The following PSCA variants were observed in gnomAD, a reference collection of about 807,000 sequenced individuals.
PSCA encodes prostate stem cell antigen.
A neutral mutation model predicts 7.9 loss-of-function variants in PSCA; 7 were observed. The ratio of observed to expected loss-of-function variants is 0.89; its 90% CI spans 0.51 to 1.67. The LOEUF (loss-of-function observed/expected upper bound fraction) is 1.67. Ranked by LOEUF, PSCA falls within the 40% of genes most tolerant of loss-of-function variation. The pLI, the probability that PSCA is intolerant of heterozygous loss-of-function variation, is 0.00. For missense variants in PSCA, 151 were observed against 147.9 expected, an observed-to-expected ratio of 1.02 and a Z score of -0.11; for synonymous variants, 61 against 68.3, an observed-to-expected ratio of 0.89 and a Z score of 0.53.
rs782607955 is a variant in PSCA at position 142,681,335 on chromosome 8, C to T, written c.34C>T (p.Leu12=). The stretch of plus-strand genomic sequence containing the variant: ...CCCACTCCACCCCACAGGCACTGCC[C>T]TGCTGTGCTACTCCTGCAAAGCCCA... ...AGLALQPGTA[L]LCYSCKAQVS... is the part of the protein sequence containing the mutation. The change falls in exon 2 of 3, where the codon CTG becomes TTG. Residue 12 remains leucine, a synonymous_variant. Transcript: ENST00000301258. The T allele has an allele frequency of 6.4e-7, 1 of 1,561,342 alleles. No homozygotes were observed. Among genetic ancestry groups the T allele is most frequent in the Non-Finnish European group, 8.7e-7 (1 of 1,152,646 alleles).
Position 142,682,417 on chromosome 8 carries a change from A to C in PSCA, c.*285A>C. 1 of 665,736 alleles carries C rather than the reference A, an allele frequency of 1.5e-6. No individual in the cohort carries two copies. The allele number at this position is 665,736 out of a possible 1,614,324, so 41.2% of individuals were successfully genotyped here. Reference sequence around the variant, plus strand: ...CATGGCCCAGCATTCTCCACCCTTAACCCTGTGCTCAGGCACCTCTTCCCC... The same window carrying C: ...CATGGCCCAGCATTCTCCACCCTTACCCCTGTGCTCAGGCACCTCTTCCCC... On this transcript the variant is annotated 3_prime_UTR_variant, in exon 3 of 3. Coordinates refer to ENST00000301258, the MANE Select transcript of PSCA (RefSeq NM_005672.5).
At chr8:142,672,928 A>G (rs1554637507) in intron 1 of PSCA, among the ~76,000 whole-genome samples, 1 of 152,116 alleles carries the variant, frequency 6.6e-6, no homozygotes, top group Non-Finnish European at 1.5e-5. Context: ...TATTATGCAA[A>G]TGGGCTTCTA....
chr8:142,680,270 C>T (rs1554638150), upstream of PSCA: 9 of 527,562 alleles, frequency 1.7e-5, 1 homozygote, highest in Non-Finnish European at 3.1e-5. Flanking sequence ...GACGTTTCAG[C>T]CCTCAGCCCG....
intron 2 of PSCA, 31 bp downstream of exon 2, chr8:142,681,465 A>G: frequency 2.6e-6 from 4 of 1,536,410 alleles, no homozygotes; most frequent in Non-Finnish European, 3.5e-6. Context: ...CGCCAGGCCT[A>G]GGTCTCTGCC....
In PSCA at chr8:142,673,770, G is replaced by A. The variant is rs73714660; in HGVS notation, n.261+3202G>A. Among the ~76,000 whole-genome samples the A allele has an allele frequency of 5.6e-3, 855 of 152,352 alleles. 9 individuals carry two copies. Among genetic ancestry groups the A allele is most frequent in the African/African-American group, 0.02 (831 of 41,582 alleles). ...TGCGGGGTTGGTGGGCCTCGCTAGAGCCATCCATCAGTCATTAGACGTGCA... is the reference window on the plus strand; with the variant it reads ...TGCGGGGTTGGTGGGCCTCGCTAGAACCATCCATCAGTCATTAGACGTGCA... On this transcript the variant is annotated intron_variant and non_coding_transcript_variant, in intron 1 of 1. Transcript: ENST00000505305. The surrounding 1 kb of genome is among the most constrained non-coding windows in gnomAD (Gnocchi z 4.6).
In PSCA at chr8:142,682,227, G is replaced by A. The variant is rs985332931; in HGVS notation, c.*95G>A. Reference sequence around the variant, plus strand: ...CCCGGCCCAGTGGGAGCCTGTCCTGGTTCCTGAGGCACATCCTAACGCAAG... The same window carrying A: ...CCCGGCCCAGTGGGAGCCTGTCCTGATTCCTGAGGCACATCCTAACGCAAG... On this transcript the variant is annotated 3_prime_UTR_variant, in exon 3 of 3. Transcript: ENST00000301258. 3 of 1,409,836 alleles carry A rather than the reference G, an allele frequency of 2.1e-6. No homozygotes were observed. The highest frequency in any genetic ancestry group is 2.9e-6 in the Non-Finnish European group (3 of 1,030,644). 87.3% of individuals were successfully genotyped at this position (1,409,836 alleles called of 1,614,324 possible).
chr8:142,678,535 G>A (rs1387121838), upstream of PSCA, among the ~76,000 whole-genome samples: 1 of 152,278 alleles, frequency 6.6e-6, no homozygotes, highest in Non-Finnish European at 1.5e-5. Flanking sequence ...GGCTTGCAGG[G>A]ATGAGGGGGA....
rs1439302082 is a variant in PSCA, at chr8:142,681,356, G to A, written c.55G>A (p.Ala19Thr). ...TGCCCTGCTGTGCTACTCCTGCAAAGCCCAGGTGAGCAACGAGGACTGCCT... is the reference window on the plus strand; with the variant it reads ...TGCCCTGCTGTGCTACTCCTGCAAAACCCAGGTGAGCAACGAGGACTGCCT... The part of the protein sequence containing the change: ...GTALLCYSCK[A>T]QVSNEDCLQV... Residue 19 changes from alanine to threonine, a missense_variant, in exon 2 of 3, where the codon GCC becomes ACC. By Grantham distance (58) the Ala-to-Thr change is moderately conservative. Coordinates refer to ENST00000301258, the MANE Select transcript of PSCA (RefSeq NM_005672.5). The A allele has an allele frequency of 3.2e-6, 5 of 1,578,446 alleles. No individual in the cohort carries two copies. The African/African-American group carries it at 6.8e-5, about 21-fold the overall frequency.
Position 142,682,402 on chromosome 8 carries a change from C to T in PSCA, c.*270C>T, listed in dbSNP as rs1554638557. 1 of 688,160 alleles carries T rather than the reference C, an allele frequency of 1.5e-6. No homozygotes were observed. The highest frequency in any genetic ancestry group is 2.3e-4 in the Middle Eastern group (1 of 4,298). The allele number at this position is 688,160 out of a possible 1,614,324, so 42.6% of individuals were successfully genotyped here. The stretch of plus-strand genomic sequence containing the variant: ...CTCTGCTGCTGTTTCCATGGCCCAG[C>T]ATTCTCCACCCTTAACCCTGTGCTC... On this transcript the variant is annotated 3_prime_UTR_variant, in exon 3 of 3. Transcript: ENST00000301258.
intron 1 of PSCA, chr8:142,680,940 G>T (rs905040687): frequency 8.5e-5 from 40 of 469,606 alleles, no homozygotes; most frequent in African/African-American, 7.4e-4. Context: ...GGGGCACAAG[G>T]GGGAGGTGCT....
At chr8:142,679,444 G>T (rs1847436653), upstream of PSCA, among the ~76,000 whole-genome samples, 1 of 152,194 alleles carries the variant, frequency 6.6e-6, no homozygotes, top group Non-Finnish European at 1.5e-5. Flanking sequence ...TAAAATATTT[G>T]AAGACATTTA....
upstream of PSCA, chr8:142,680,227 G>C (rs1847445453): frequency 6.7e-6 from 3 of 448,608 alleles, no homozygotes; most frequent in East Asian, 1.1e-4. Context: ...TGTGAGGTGG[G>C]GGAGGTGGGA....
intron 2 of PSCA, 153 bp from the exon 3 acceptor site, chr8:142,681,768 G>C: frequency 1.6e-6 from 1 of 639,090 alleles, no homozygotes; most frequent in East Asian, 2.7e-5. Context: ...CTGAGACCAG[G>C]GCCGAGACCA....
chr8:142,681,506 C>T, intron 2 of PSCA, 72 bp downstream of exon 2: 3 of 1,375,372 alleles, frequency 2.2e-6, no homozygotes, highest in Non-Finnish European at 3.0e-6. Context: ...GGCCATCTGT[C>T]CGCATCTGTG....
In PSCA at chr8:142,673,758, G is replaced by A. The variant is rs1847363196; in HGVS notation, n.261+3190G>A. Among the ~76,000 whole-genome samples the A allele has an allele frequency of 6.6e-6, 1 of 152,168 alleles. No individual in the cohort carries two copies. Among genetic ancestry groups the A allele is most frequent in the South Asian group, 2.1e-4 (1 of 4,828 alleles). On this transcript the variant is annotated intron_variant and non_coding_transcript_variant, in intron 1 of 1. Transcript: ENST00000505305. The surrounding 1 kb of genome is among the most constrained non-coding windows in gnomAD (Gnocchi z 4.6). ...CACAGGACCGGCTGCGGGGTTGGTG[G>A]GCCTCGCTAGAGCCATCCATCAGTC...
At position 142,682,585 on chromosome 8, in the gene PSCA, A is replaced by C. The variant is rs1191001394; in HGVS notation, c.*453A>C. On this transcript the variant is annotated 3_prime_UTR_variant, in exon 3 of 3. Coordinates refer to ENST00000301258, the MANE Select transcript of PSCA (RefSeq NM_005672.5). ...GGACTGAGTAGAACTGGAGGACAGG[A>C]GTCGACGTGAGTTCCTGGGAGTCTC... The C allele has an allele frequency of 2.7e-6, 1 of 371,392 alleles. No homozygotes were observed. The highest frequency in any genetic ancestry group is 2.1e-5 in the African/African-American group (1 of 47,602). The allele number at this position is 371,392 out of a possible 1,614,324, so 23.0% of individuals were successfully genotyped here.
upstream of PSCA, among the ~76,000 whole-genome samples, chr8:142,679,699 C>G (rs1554638128): frequency 6.6e-6 from 1 of 152,164 alleles, no homozygotes; most frequent in African/African-American, 2.4e-5. Context: ...CAAGAGTTAT[C>G]AATAGAAAGG....
chr8:142,671,823 T>G (rs1554637388), intron 1 of PSCA, among the ~76,000 whole-genome samples: 5 of 152,224 alleles, frequency 3.3e-5, no homozygotes. Context: ...CGAGCCCATG[T>G]GCCAGCTCAC....
At chr8:142,679,726 G>A (rs2920280), upstream of PSCA, among the ~76,000 whole-genome samples, 20 of 152,078 alleles carry the variant, frequency 1.3e-4, no homozygotes, top group Admixed American at 7.9e-4. Flanking sequence ...TGGGTTATAC[G>A]GGGTTGTGGA....
Sources: gnomAD v4.1 joint callset for allele counts (sites outside exome capture counted in the v4.1 genomes callset) on GRCh38, gnomAD v4.1.1 for gene constraint, Gnocchi (gnomAD v3.1) non-coding constraint, MANE v1.5 for transcripts, NCBI Gene and HGNC (gene_info 2026-07-23, HGNC 2026-07-21) for gene names.